Variants in IGHMBP2 observed in about 807,000 individuals in gnomAD.
IGHMBP2 encodes immunoglobulin mu DNA binding protein 2, also known as DNA-binding protein SMUBP-2.
A neutral mutation model predicts 96.0 loss-of-function variants in IGHMBP2; 81 were observed. The ratio of observed to expected loss-of-function variants is 0.84; its 90% CI spans 0.71 to 1.01. The LOEUF is 1.01. Among genes scored for constraint, IGHMBP2 ranks in the 50% least tolerant of loss-of-function variants. The probability of loss-of-function intolerance (pLI) is 0.00; values close to 1 mark genes in which losing one functional copy is unlikely to be tolerated. For missense variants in IGHMBP2, 1,227 were observed against 1,306.3 expected (o/e 0.94, Z 0.94); for synonymous variants, 557 against 548.9 (o/e 1.01, Z -0.21).
chr11:68,929,497 C>T (rs965144906), intron 8 of IGHMBP2, 140 bp downstream of exon 8: 7 of 824,498 alleles, frequency 8.5e-6, no homozygotes, highest in Non-Finnish European at 1.3e-5. Flanking sequence ...CCCCGTCTTA[C>T]AGCATTCATT....
At chr11:68,929,126 T>A in intron 7 of IGHMBP2, 57 bp from the exon 8 acceptor site, 1 of 1,510,330 alleles carries the variant, frequency 6.6e-7, no homozygotes, top group East Asian at 2.3e-5. Context: ...CTGGTGTGGC[T>A]GCGCTGTTGG....
At chr11:68,932,920 T>G in intron 8 of IGHMBP2, 1 of 306,404 alleles carries the variant, frequency 3.3e-6, no homozygotes, top group East Asian at 7.4e-5. Flanking sequence ...TTCCTCTGTC[T>G]ATGAAGCCAG....
In IGHMBP2 at chr11:68,914,967, C is replaced by A; in HGVS notation, c.856C>A (p.Arg286=). ...GCACTCCCTGGATGCGGTTTTAGCG[C>A]GGAGCGACAGTGCCCAGATTGTTGC... The part of the protein sequence containing the change: ...QQHSLDAVLA[R]SDSAQIVADI... Residue 286 remains arginine (R), a synonymous_variant, in exon 6 of 15, where the codon CGG becomes AGG. Coordinates refer to ENST00000255078, the MANE Select transcript of IGHMBP2 (RefSeq NM_002180.3). 1.2e-6 allele frequency: 2 copies of A among 1,614,134 alleles called. No individual in the cohort carries two copies. Among genetic ancestry groups the A allele is most frequent in the East Asian group, 4.5e-5 (2 of 44,854 alleles).
chr11:68,906,055 C>T lies in IGHMBP2; in HGVS notation c.87-14C>T, dbSNP rs375646306. 1.9e-6 allele frequency: 3 copies of T among 1,613,284 alleles called. No homozygotes were observed. The highest frequency in any genetic ancestry group is 2.5e-6 in the Non-Finnish European group (3 of 1,179,492). ...AGTAAAAATCCTGAAGCATCAATAC[C>T]GGGTGTCTTCCAGGTCCTGGCAGGA... is the stretch of plus-strand genomic sequence containing the variant. On this transcript the variant is annotated splice_polypyrimidine_tract_variant and intron_variant, in intron 1 of 14. Coordinates refer to ENST00000255078, the MANE Select transcript of IGHMBP2 (RefSeq NM_002180.3).
At chr11:68,922,912 C>T (rs1353230664) in intron 7 of IGHMBP2, among the ~76,000 whole-genome samples, 1 of 152,190 alleles carries the variant, frequency 6.6e-6, no homozygotes, top group Non-Finnish European at 1.5e-5. Flanking sequence ...GTGTAACTTT[C>T]ATCTGACATC....
intron 9 of IGHMBP2, 151 bp downstream of exon 9, chr11:68,933,632 G>T: frequency 9.0e-7 from 1 of 1,107,940 alleles, no homozygotes; most frequent in Non-Finnish European, 1.3e-6. Flanking sequence ...GCCTTGCCCT[G>T]GAGAGCTGGG....
intron 5 of IGHMBP2, among the ~76,000 whole-genome samples, chr11:68,913,043 CA>C (rs71043469): frequency 3.1e-3 from 115 of 37,476 alleles, no homozygotes; most frequent in East Asian, 0.017. Context: ...ACTCCATCTC[CA>C]AAAAAAAAAA....
chr11:68,906,198 C>G lies in IGHMBP2; in HGVS notation c.216C>G (p.Tyr72Ter), dbSNP rs755468547. The G allele has an allele frequency of 6.2e-7, 1 of 1,614,076 alleles. No homozygotes were observed. The highest frequency in any genetic ancestry group is 8.5e-7 in the Non-Finnish European group (1 of 1,179,992). The change falls in exon 2 of 15, where the codon TAC becomes TAG. Residue 72 changes from tyrosine (Y) to a stop codon, truncating the protein, a stop_gained. Coordinates refer to ENST00000255078, the MANE Select transcript of IGHMBP2 (RefSeq NM_002180.3). LOFTEE classifies it high-confidence loss of function. ...RLLVTFEPRR[Y>*]GSAAALPSNS... ...TGGTCACCTTTGAGCCCAGGCGATA[C>G]GGGTCCGCGGCAGCTCTTCCCAGTA...
chr11:68,932,945 C>T, intron 8 of IGHMBP2: 1 of 359,450 alleles, frequency 2.8e-6, no homozygotes, highest in South Asian at 3.0e-5. Flanking sequence ...GTTACGTCTT[C>T]AAATCTCTCC....
At chr11:68,908,040 G>A in intron 2 of IGHMBP2, 105 bp from the exon 3 acceptor site, 2 of 981,022 alleles carry the variant, frequency 2.0e-6, no homozygotes. Context: ...ATTTACTAAA[G>A]AAAGTAACAA....
chr11:68,909,742 C>T (rs560719030), intron 4 of IGHMBP2, among the ~76,000 whole-genome samples: 5 of 152,004 alleles, frequency 3.3e-5, no homozygotes, highest in African/African-American at 1.2e-4. Flanking sequence ...ACTCTCCTGC[C>T]TCAGCCTCCC....
At chr11:68,934,669 A>G (rs913096888) in intron 11 of IGHMBP2, 111 bp downstream of exon 11, 7 of 830,924 alleles carry the variant, frequency 8.4e-6, no homozygotes, top group Admixed American at 2.0e-5. Context: ...GTTCAGGGGT[A>G]GGGCTGACCT....
chr11:68,913,799 A>C (rs1284596630), intron 5 of IGHMBP2, among the ~76,000 whole-genome samples: 1 of 152,180 alleles, frequency 6.6e-6, no homozygotes, highest in Admixed American at 6.5e-5. Context: ...GCATGCCTGC[A>C]GTCTCAGCTA....
At chr11:68,926,615 T>C (rs1859081216) in intron 7 of IGHMBP2, among the ~76,000 whole-genome samples, 1 of 152,148 alleles carries the variant, frequency 6.6e-6, no homozygotes, top group African/African-American at 2.4e-5. Context: ...TTATTGATAT[T>C]CTCTTATTTG....
At chr11:68,929,474 G>A (rs1448499008) in intron 8 of IGHMBP2, 117 bp downstream of exon 8, 16 of 957,484 alleles carry the variant, frequency 1.7e-5, no homozygotes, top group Middle Eastern at 2.9e-4. Context: ...TCGGTTTCTC[G>A]GCACAGCTCC....
chr11:68,936,630 C>G lies in IGHMBP2; in HGVS notation c.2150C>G (p.Pro717Arg). 1 of 1,613,826 alleles carries G rather than the reference C, an allele frequency of 6.2e-7. No homozygotes were observed. Among genetic ancestry groups the G allele is most frequent in the Middle Eastern group, 1.6e-4 (1 of 6,062 alleles). Reference protein sequence around the residue: ...PSQPSLNGGSPEGVESQDGVD... With the variant: ...PSQPSLNGGSREGVESQDGVD... Reference sequence around the variant, plus strand: ...CAGCCCAGCCTCAACGGAGGCAGCCCAGAGGGAGTGGAGAGCCAAGATGGC... The same window carrying G: ...CAGCCCAGCCTCAACGGAGGCAGCCGAGAGGGAGTGGAGAGCCAAGATGGC... Residue 717 changes from proline to arginine, a missense_variant, in exon 13 of 15, where the codon CCA becomes CGA. Transcript: ENST00000255078.
chr11:68,938,407 C>T lies in IGHMBP2; in HGVS notation c.2784+53C>T, dbSNP rs576805433. 3.0e-4 allele frequency: 451 copies of T among 1,522,568 alleles called. 1 individual carries two copies. The African/African-American group carries it at 4.9e-3, about 17-fold the overall frequency. The allele number at this position is 1,522,568 out of a possible 1,614,324, so 94.3% of individuals were successfully genotyped here. A position where few individuals can be genotyped will look rare whatever the true frequency, so the allele number is the denominator to read the frequency against. ...AACAGTGGGGAGGGGTGGTGGGTTC[C>T]GTCTCCAGGAAGCAGACCCTGGGCA... On this transcript the variant is annotated intron_variant, in intron 14 of 14. Coordinates refer to ENST00000255078, the MANE Select transcript of IGHMBP2 (RefSeq NM_002180.3).
At chr11:68,913,650 G>A (rs968927870) in intron 5 of IGHMBP2, among the ~76,000 whole-genome samples, 16 of 152,170 alleles carry the variant, frequency 1.1e-4, no homozygotes, top group East Asian at 3.9e-4. Flanking sequence ...TGGGTGCAGC[G>A]GCTCATGTCT....
At position 68,935,405 on chromosome 11, in the gene IGHMBP2, T is replaced by C. The variant is rs1456015012; in HGVS notation, c.1739T>C (p.Val580Ala). ...AAGGAGGCCGTGATACTGTCCTTCG[T>C]CAGATCCAACAGGAAAGGTACGGAG... The part of the protein sequence containing the change: ...REKEAVILSF[V>A]RSNRKGEVGF... Residue 580 changes from valine (V) to alanine (A), a missense_variant, in exon 12 of 15, where the codon GTC (valine) becomes GCC (alanine). Transcript: ENST00000255078. The C allele has an allele frequency of 6.2e-7, 1 of 1,614,080 alleles. No homozygotes were observed. Among genetic ancestry groups the C allele is most frequent in the East Asian group, 2.2e-5 (1 of 44,882 alleles).
Sources: gnomAD v4.1 joint callset for allele counts (sites outside exome capture counted in the v4.1 genomes callset) on GRCh38, gnomAD v4.1.1 for gene constraint, MANE v1.5 for transcripts, NCBI Gene and HGNC (gene_info 2026-07-23, HGNC 2026-07-21) for gene names.